Variants in AFG2A observed in about 807,000 individuals in gnomAD.
AFG2A encodes the protein AAA ATPase AFG2A.
chr4:123,199,088 A>G, the AFG2A span, among the ~76,000 whole-genome samples: 2 of 152,180 alleles, frequency 1.3e-5, no homozygotes, highest in Admixed American at 6.5e-5. Flanking sequence ...CCAAGTGTAC[A>G]GAATTCATAC....
At chr4:123,265,512 T>C in the AFG2A span, among the ~76,000 whole-genome samples, 1 of 152,126 alleles carries the variant, frequency 6.6e-6, no homozygotes, top group Non-Finnish European at 1.5e-5. Context: ...AAGGCTATTT[T>C]AGATAGGATG....
the AFG2A span, among the ~76,000 whole-genome samples, chr4:123,192,441 G>A: frequency 6.6e-6 from 1 of 152,144 alleles, no homozygotes; most frequent in Non-Finnish European, 1.5e-5. Flanking sequence ...ATCTCCTCAT[G>A]CAGATATGCA....
At chr4:122,984,851 C>T in the AFG2A span, among the ~76,000 whole-genome samples, 1 of 152,150 alleles carries the variant, frequency 6.6e-6, no homozygotes. Flanking sequence ...ATTTGGTTAG[C>T]TAGTAGTTTT....
At chr4:123,261,991 G>T in the AFG2A span, among the ~76,000 whole-genome samples, 1 of 150,558 alleles carries the variant, frequency 6.6e-6, no homozygotes, top group Non-Finnish European at 1.5e-5. Context: ...GCCCAGCCTG[G>T]TCTTAAACTC....
the AFG2A span, among the ~76,000 whole-genome samples, chr4:123,065,965 A>G: frequency 6.6e-6 from 1 of 152,208 alleles, no homozygotes; most frequent in African/African-American, 2.4e-5. Flanking sequence ...ATATATTTAA[A>G]AAAATGAAAA....
the AFG2A span, among the ~76,000 whole-genome samples, chr4:123,261,356 A>G: frequency 2.6e-5 from 4 of 152,334 alleles, no homozygotes; most frequent in African/African-American, 9.6e-5. Context: ...TGCAAGTTCC[A>G]TCTGCAAATT....
the AFG2A span, among the ~76,000 whole-genome samples, chr4:123,141,177 A>C: frequency 3.3e-5 from 5 of 152,270 alleles, no homozygotes; most frequent in Admixed American, 1.3e-4. Flanking sequence ...CTAGCAAAAC[A>C]AAAAGAATAA....
At chr4:123,155,572 G>A in the AFG2A span, among the ~76,000 whole-genome samples, 1 of 152,002 alleles carries the variant, frequency 6.6e-6, no homozygotes, top group African/African-American at 2.4e-5. Flanking sequence ...AATATTTGGG[G>A]TCGGGGAACA....
At chr4:122,977,056 C>T in the AFG2A span, among the ~76,000 whole-genome samples, 1 of 152,194 alleles carries the variant, frequency 6.6e-6, no homozygotes, top group Non-Finnish European at 1.5e-5. Flanking sequence ...CCCTCCCCTA[C>T]AAGGACAAAA....
At chr4:122,986,524 A>G in the AFG2A span, among the ~76,000 whole-genome samples, 1 of 152,292 alleles carries the variant, frequency 6.6e-6, no homozygotes, top group Non-Finnish European at 1.5e-5. Flanking sequence ...ATATGTTCTC[A>G]CTGATATGTG....
At chr4:122,989,203 A>G in the AFG2A span, among the ~76,000 whole-genome samples, 2 of 152,176 alleles carry the variant, frequency 1.3e-5, no homozygotes, top group Non-Finnish European at 2.9e-5. Flanking sequence ...TTGTCTGTGC[A>G]TGTGAAAAAG....
At chr4:123,123,855 G>T in the AFG2A span, among the ~76,000 whole-genome samples, 36 of 150,204 alleles carry the variant, frequency 2.4e-4, no homozygotes, top group African/African-American at 8.5e-4. Context: ...GGGAGGCTGA[G>T]GCAGGAGAAT....
At chr4:123,237,513 A>T in the AFG2A span, among the ~76,000 whole-genome samples, 1 of 152,088 alleles carries the variant, frequency 6.6e-6, no homozygotes, top group African/African-American at 2.4e-5. Context: ...TCTCTACTAA[A>T]AGTACAAAAA....
chr4:123,003,211 G>GT, the AFG2A span, among the ~76,000 whole-genome samples: 1 of 152,084 alleles, frequency 6.6e-6, no homozygotes, highest in African/African-American at 2.4e-5. Context: ...TTCGTCTAAA[G>GT]TTTTTTCAAA....
the AFG2A span, among the ~76,000 whole-genome samples, chr4:123,228,105 C>T: frequency 6.6e-6 from 1 of 152,106 alleles, no homozygotes; most frequent in African/African-American, 2.4e-5. Flanking sequence ...CTATGTGTGT[C>T]TCTGTACATG....
the AFG2A span, chr4:123,028,115 G>GT: frequency 7.6e-7 from 1 of 1,316,668 alleles, no homozygotes; most frequent in African/African-American, 1.5e-5. Flanking sequence ...TTAATGATAT[G>GT]TTTTTTATTT....
the AFG2A span, among the ~76,000 whole-genome samples, chr4:123,046,579 T>C: frequency 1.3e-5 from 2 of 150,066 alleles, no homozygotes; most frequent in Admixed American, 6.6e-5. Context: ...CAATATGTAC[T>C]GATCAAATTG....
At chr4:122,965,851 G>C in the AFG2A span, among the ~76,000 whole-genome samples, 1 of 152,092 alleles carries the variant, frequency 6.6e-6, no homozygotes, top group South Asian at 2.1e-4. Flanking sequence ...GGCCTTATTA[G>C]AAATGGTGAT....
chr4:123,161,167 G>A, the AFG2A span, among the ~76,000 whole-genome samples: 4 of 152,260 alleles, frequency 2.6e-5, no homozygotes, highest in Admixed American at 6.5e-5. Context: ...TACATAATCA[G>A]TGGTCACTGA....
Sources: gnomAD v4.1 joint callset for allele counts (sites outside exome capture counted in the v4.1 genomes callset) on GRCh38, gnomAD v4.1.1 for gene constraint, MANE v1.5 for transcripts, NCBI Gene and HGNC (gene_info 2026-07-23, HGNC 2026-07-21) for gene names.